LRRFIP1: variants seen among roughly 807,000 people sequenced by gnomAD.
The protein encoded by LRRFIP1 is LRR binding FLII interacting protein 1, also known as leucine-rich repeat flightless-interacting protein 1.
In LRRFIP1, 62 loss-of-function variants were observed where a neutral mutation model predicts 104.4. The observed-to-expected ratio is 0.59, with a 90% CI of 0.48 to 0.73. The LOEUF (loss-of-function observed/expected upper bound fraction) is 0.73, where lower values mean the gene tolerates loss of function less well. LRRFIP1 is among the 30% of genes least tolerant of loss of function. The pLI is 0.00. For synonymous variants in LRRFIP1, 300 were observed against 299.0 expected (o/e 1.00, Z -0.03); for missense variants, 796 against 824.5 (o/e 0.97, Z 0.42).
intron 2 of LRRFIP1, chr2:237,708,878 C>A (rs576218900): frequency 4.8e-6 from 3 of 622,332 alleles, no homozygotes; most frequent in African/African-American, 3.6e-5. Flanking sequence ...CTGCGCAGAT[C>A]GTCGTTTCTA....
At chr2:237,665,811 C>A (rs1212009089) in intron 1 of LRRFIP1, among the ~76,000 whole-genome samples, 1 of 152,206 alleles carries the variant, frequency 6.6e-6, no homozygotes, top group Non-Finnish European at 1.5e-5. Context: ...GACCCTCAAG[C>A]TGCAGTCAAC....
chr2:237,693,054 T>A (rs2092924727), intron 1 of LRRFIP1, among the ~76,000 whole-genome samples: 2 of 152,252 alleles, frequency 1.3e-5, no homozygotes. Context: ...GCGGACAGGA[T>A]CCTGCCTCTA....
intron 11 of LRRFIP1, among the ~76,000 whole-genome samples, chr2:237,747,688 C>A (rs1409633584): frequency 6.6e-6 from 1 of 152,108 alleles, no homozygotes; most frequent in Non-Finnish European, 1.5e-5. Context: ...GATTTTCTGA[C>A]AATCAAAGTG....
At chr2:237,716,161 A>G (rs1180952963) in intron 3 of LRRFIP1, among the ~76,000 whole-genome samples, 1 of 152,226 alleles carries the variant, frequency 6.6e-6, no homozygotes, top group African/African-American at 2.4e-5. Context: ...TAGTTAAGCC[A>G]AAAAATAAGG....
chr2:237,704,915 A>G (rs2093728574), intron 1 of LRRFIP1, among the ~76,000 whole-genome samples: 2 of 152,052 alleles, frequency 1.3e-5, no homozygotes, highest in South Asian at 4.2e-4. Flanking sequence ...AGCAAAGGTC[A>G]TTGTTTTTTA....
At chr2:237,656,826 T>C (rs1354086674) in intron 1 of LRRFIP1, among the ~76,000 whole-genome samples, 1 of 152,252 alleles carries the variant, frequency 6.6e-6, no homozygotes, top group Non-Finnish European at 1.5e-5. Context: ...TTTAAACATT[T>C]GTAAGTACTA....
chr2:237,708,903 A>G, intron 2 of LRRFIP1: 1 of 576,562 alleles, frequency 1.7e-6, no homozygotes, highest in African/African-American at 1.8e-5. Context: ...CGAGGAGCCA[A>G]AATGTTCAGG....
intron 19 of LRRFIP1, among the ~76,000 whole-genome samples, chr2:237,767,190 A>G (rs1264907980): frequency 1.3e-5 from 2 of 152,164 alleles, no homozygotes; most frequent in Non-Finnish European, 2.9e-5. Flanking sequence ...AAAAAGAAAG[A>G]AAAGAAAAAG....
intron 1 of LRRFIP1, among the ~76,000 whole-genome samples, chr2:237,663,960 A>G (rs965977011): frequency 7.9e-5 from 12 of 152,168 alleles, no homozygotes; most frequent in Non-Finnish European, 2.9e-5. Flanking sequence ...CCCAGGGTGG[A>G]GCCCCGGGAA....
Position 237,649,727 on chromosome 2 carries a change from C to T in LRRFIP1, c.96+21987C>T, listed in dbSNP as rs948803666. The stretch of plus-strand genomic sequence containing the variant: ...GTCCCATCGCCTCCTCTCTCCCTGC[C>T]GCGGTTCGGAAGCTCCACGGGGGCC... On this transcript the variant is annotated intron_variant, in intron 1 of 23. Transcript: ENST00000308482. This position sits in a 1 kb window ranked among gnomAD's most constrained non-coding sequence, Gnocchi z 4.1. Among the ~76,000 whole-genome samples the T allele has an allele frequency of 5.3e-5, 8 of 151,968 alleles. No homozygotes were observed. The highest frequency in any genetic ancestry group is 1.4e-4 in the African/African-American group (6 of 41,426).
rs561007389 is a variant in LRRFIP1 at position 237,638,154 on chromosome 2, C to T, written c.96+10414C>T. 2.0e-5 allele frequency among the ~76,000 whole-genome samples: 3 copies of T among 152,288 alleles called. No individual in the cohort carries two copies. The East Asian group carries it at 5.8e-4, about 29-fold the overall frequency. The stretch of plus-strand genomic sequence containing the variant: ...TATATAATGAAATAATTATACAATT[C>T]ACCATAATGTAGAATCAGTGGGAGC... On this transcript the variant is annotated intron_variant, in intron 1 of 23. Transcript: ENST00000308482.
At chr2:237,733,246 G>A (rs966638872) in intron 8 of LRRFIP1, among the ~76,000 whole-genome samples, 1 of 152,278 alleles carries the variant, frequency 6.6e-6, no homozygotes, top group Admixed American at 6.5e-5. Flanking sequence ...GCTAGACCGC[G>A]GCTCCTCTGG....
intron 11 of LRRFIP1, among the ~76,000 whole-genome samples, chr2:237,746,263 T>C (rs2057840865): frequency 6.6e-6 from 1 of 152,154 alleles, no homozygotes; most frequent in Non-Finnish European, 1.5e-5. Context: ...TTCGCCGTGT[T>C]GGCCAGGTTG....
chr2:237,696,002 G>T (rs1274990602), intron 1 of LRRFIP1, among the ~76,000 whole-genome samples: 1 of 125,708 alleles, frequency 8.0e-6, no homozygotes, highest in Non-Finnish European at 1.8e-5. Context: ...CCTGGCAACA[G>T]AAATTATATG....
intron 3 of LRRFIP1, among the ~76,000 whole-genome samples, chr2:237,716,656 T>A (rs573744145): frequency 6.6e-6 from 1 of 152,368 alleles, no homozygotes; most frequent in Non-Finnish European, 1.5e-5. Flanking sequence ...CTCTTGATTA[T>A]AAGATTTTAA....
Position 237,708,578 on chromosome 2 carries a change from G to A in LRRFIP1, c.131G>A (p.Arg44His), listed in dbSNP as rs771561308. The change falls in exon 2 of 24, where the codon CGC becomes CAC. Residue 44 changes from arginine to histidine, a missense_variant. Arg to His is a conservative substitution (Grantham distance 29, BLOSUM62 0). Coordinates refer to ENST00000308482, the MANE Select transcript of LRRFIP1 (RefSeq NM_001137550.2). ...CGGCTCGCTGCAAAACGGGCGGCCC[G>A]CGCGGAGGCTCGCGAGATCCGCATG... Reference protein sequence around the residue: ...EARLAAKRAARAEAREIRMKE... With the variant: ...EARLAAKRAAHAEAREIRMKE... 1.4e-5 allele frequency: 22 copies of A among 1,597,400 alleles called. No homozygotes were observed. Among genetic ancestry groups the A allele is most frequent in the Non-Finnish European group, 1.7e-5 (20 of 1,169,638 alleles).
rs1184536481 is a variant in LRRFIP1, at chr2:237,714,247, CCTT to C, written c.184-9_184-7del. The C allele has an allele frequency of 1.9e-6, 3 of 1,581,028 alleles. No homozygotes were observed. The highest frequency in any genetic ancestry group is 1.7e-6 in the Non-Finnish European group (2 of 1,157,606). ...ATTTTACATTTCTTTTTTCTTCTGT[CCTT>C]CTCTATAGATCTATCAGGTCCAAAA... On this transcript the variant is annotated splice_polypyrimidine_tract_variant and intron_variant, in intron 2 of 23. Transcript: ENST00000308482.
chr2:237,720,944 C>T (rs556389231), intron 6 of LRRFIP1, 122 bp downstream of exon 6: 15 of 804,196 alleles, frequency 1.9e-5, no homozygotes, highest in Middle Eastern at 2.3e-4. Context: ...AATATTTAAC[C>T]GATGAGATGC....
Position 237,772,186 on chromosome 2 carries a change from A to G in LRRFIP1, c.1615A>G (p.Met539Val). The G allele has an allele frequency of 6.2e-7, 1 of 1,611,788 alleles. No homozygotes were observed. Among genetic ancestry groups the G allele is most frequent in the Non-Finnish European group, 8.5e-7 (1 of 1,177,828 alleles). ...GGAAAACGGGACAGACATGCATGTA[A>G]TGGACCTACAAAGTAAATGTCAATT... Reference protein sequence around the residue: ...VLENGTDMHVMDLQRDANRQI... With the variant: ...VLENGTDMHVVDLQRDANRQI... Residue 539 changes from methionine (M) to valine (V), a missense_variant, in exon 21 of 24, where the codon ATG (methionine) becomes GTG (valine). Physicochemically the swap from Met to Val is conservative, Grantham distance 21. Coordinates refer to ENST00000308482, the MANE Select transcript of LRRFIP1 (RefSeq NM_001137550.2).
Sources: gnomAD v4.1 joint callset for allele counts (sites outside exome capture counted in the v4.1 genomes callset) on GRCh38, gnomAD v4.1.1 for gene constraint, Gnocchi (gnomAD v3.1) non-coding constraint, MANE v1.5 for transcripts, NCBI Gene and HGNC (gene_info 2026-07-23, HGNC 2026-07-21) for gene names.